CCDC102B: variants seen among roughly 807,000 people sequenced by gnomAD.
CCDC102B encodes coiled-coil domain containing 102B.
CCDC102B carries 75 observed loss-of-function variants against 57.4 expected under a neutral mutation model. The ratio of observed to expected loss-of-function variants is 1.31; its 90% CI spans 1.08 to 1.58. The LOEUF (loss-of-function observed/expected upper bound fraction) is 1.58, where lower values mean the gene tolerates loss of function less well. CCDC102B is among the 40% of genes most tolerant of loss of function. The pLI is 0.00. For missense variants in CCDC102B, 636 were observed against 582.6 expected, an observed-to-expected ratio of 1.09 and a Z score of -0.94; for synonymous variants, 206 against 201.9, an observed-to-expected ratio of 1.02 and a Z score of -0.17.
chr18:68,788,968 T>C (rs187430154), intron 2 of CCDC102B, among the ~76,000 whole-genome samples: 6 of 152,336 alleles, frequency 3.9e-5, no homozygotes, highest in African/African-American at 1.4e-4. Context: ...CGGCTGGTAC[T>C]GGTTGTTCCT....
chr18:68,884,895 A>C (rs545302974), intron 5 of CCDC102B, among the ~76,000 whole-genome samples: 70 of 151,970 alleles, frequency 4.6e-4, no homozygotes, highest in African/African-American at 1.6e-3. Flanking sequence ...TGAACAAAAA[A>C]TAGGTAACTA....
At chr18:69,000,820 T>C (rs537007377) in intron 6 of CCDC102B, among the ~76,000 whole-genome samples, 3 of 152,326 alleles carry the variant, frequency 2.0e-5, no homozygotes, top group Admixed American at 6.5e-5. Context: ...GAAAGTTTAT[T>C]TGTAAGCGAA....
chr18:69,031,332 A>G (rs1172872539), intron 7 of CCDC102B, among the ~76,000 whole-genome samples: 1 of 152,178 alleles, frequency 6.6e-6, no homozygotes, highest in Admixed American at 6.5e-5. Flanking sequence ...ATTAAGCATT[A>G]GTCATTTGGC....
At chr18:68,798,830 A>G (rs1201974636) in intron 1 of CCDC102B, among the ~76,000 whole-genome samples, 2 of 152,118 alleles carry the variant, frequency 1.3e-5, no homozygotes, top group Non-Finnish European at 2.9e-5. Context: ...AAACTGAAAA[A>G]AAATCTCTGG....
chr18:68,897,794 A>C (rs1476708082), intron 6 of CCDC102B: 1 of 417,528 alleles, frequency 2.4e-6, no homozygotes, highest in East Asian at 7.3e-5. Context: ...TCAAGCGACT[A>C]TACAATAAGC....
At chr18:68,906,833 ATTTT>A (rs58285229) in intron 6 of CCDC102B, among the ~76,000 whole-genome samples, 1,781 of 133,502 alleles carry the variant, frequency 0.013, 32 homozygotes, top group East Asian at 0.087. Flanking sequence ...GACGAATTCT[ATTTT>A]TTTTTTTTTT....
intron 1 of CCDC102B, among the ~76,000 whole-genome samples, chr18:68,813,790 A>ATATATC (rs1256587127): frequency 1.3e-5 from 2 of 150,268 alleles, no homozygotes; most frequent in African/African-American, 4.9e-5. Flanking sequence ...ATATATATAT[A>ATATATC]TATCTTTAGT....
At chr18:68,775,944 G>T (rs1356924222) in intron 2 of CCDC102B, among the ~76,000 whole-genome samples, 1 of 152,144 alleles carries the variant, frequency 6.6e-6, no homozygotes, top group African/African-American at 2.4e-5. Context: ...GAGCCACAAA[G>T]CCCGGCCCCT....
chr18:69,038,049 A>G (rs1487626376), intron 7 of CCDC102B, among the ~76,000 whole-genome samples: 4 of 152,046 alleles, frequency 2.6e-5, no homozygotes, highest in Non-Finnish European at 4.4e-5. Context: ...ATGTTTAAGC[A>G]ACCAAATGAA....
At chr18:68,955,038 A>G (rs1165238510) in intron 6 of CCDC102B, among the ~76,000 whole-genome samples, 2 of 152,124 alleles carry the variant, frequency 1.3e-5, no homozygotes, top group African/African-American at 4.8e-5. Context: ...TCACACCTCT[A>G]TTTTGCTTTT....
At chr18:68,728,191 T>G (rs909540903) in intron 2 of CCDC102B, among the ~76,000 whole-genome samples, 1 of 152,174 alleles carries the variant, frequency 6.6e-6, no homozygotes, top group African/African-American at 2.4e-5. Context: ...CTCAAATTTC[T>G]TATAAAAATA....
At chr18:68,878,014 G>T (rs779323817) in intron 5 of CCDC102B, among the ~76,000 whole-genome samples, 1 of 152,112 alleles carries the variant, frequency 6.6e-6, no homozygotes, top group South Asian at 2.1e-4. Context: ...CTATGAGGTC[G>T]AAAGTAAAAG....
intron 7 of CCDC102B, among the ~76,000 whole-genome samples, chr18:69,037,950 G>A (rs2052339479): frequency 2.0e-5 from 3 of 151,888 alleles, no homozygotes; most frequent in African/African-American, 7.2e-5. Context: ...CAGGTACTTT[G>A]CATTGCTTTT....
chr18:68,732,951 C>A (rs1439296356), intron 2 of CCDC102B, among the ~76,000 whole-genome samples: 3 of 151,242 alleles, frequency 2.0e-5, no homozygotes, highest in Non-Finnish European at 2.9e-5. Flanking sequence ...AGCCTAGGGA[C>A]AAAATAAAGA....
At chr18:68,881,479 T>C (rs568872589) in intron 5 of CCDC102B, among the ~76,000 whole-genome samples, 104 of 152,302 alleles carry the variant, frequency 6.8e-4, no homozygotes, top group African/African-American at 2.1e-3. Context: ...CCAAATATTA[T>C]TCTGGGTGTG....
intron 7 of CCDC102B, among the ~76,000 whole-genome samples, chr18:69,013,102 G>A (rs1381188895): frequency 9.2e-5 from 14 of 151,996 alleles, no homozygotes; most frequent in Admixed American, 9.2e-4. Flanking sequence ...CACAATAGCA[G>A]CCATATAGAA....
intron 6 of CCDC102B, among the ~76,000 whole-genome samples, chr18:68,913,343 T>TGTGTGTGTGTGG (rs1456607936): frequency 3.3e-5 from 5 of 151,354 alleles, no homozygotes; most frequent in African/African-American, 1.2e-4. Flanking sequence ...TGTGTGTGTG[T>TGTGTGTGTGTGG]GGTCCTACTT....
intron 4 of CCDC102B, among the ~76,000 whole-genome samples, chr18:68,857,092 A>C (rs2038432904): frequency 9.3e-6 from 1 of 107,432 alleles, no homozygotes; most frequent in African/African-American, 3.7e-5. Flanking sequence ...ATATATTTAT[A>C]TATTTTTATA....
intron 5 of CCDC102B, among the ~76,000 whole-genome samples, chr18:68,882,035 T>C (rs2039710368): frequency 6.6e-6 from 1 of 152,204 alleles, no homozygotes. Flanking sequence ...GGAACACTTC[T>C]TTTTAAAAAT....
Sources: gnomAD v4.1 joint callset for allele counts (sites outside exome capture counted in the v4.1 genomes callset) on GRCh38, gnomAD v4.1.1 for gene constraint, MANE v1.5 for transcripts, NCBI Gene and HGNC (gene_info 2026-07-23, HGNC 2026-07-21) for gene names.